CFDP1: variants seen among roughly 807,000 people sequenced by gnomAD.
CFDP1 encodes the protein chromatin remodeling protein CFDP1.
In CFDP1, 31 loss-of-function variants were observed where a neutral mutation model predicts 40.1. The observed-to-expected ratio is 0.77, with a 90% CI of 0.58 to 1.04. CFDP1 has a LOEUF of 1.04. Among genes scored for constraint, CFDP1 ranks in the 50% least tolerant of loss-of-function variants. The pLI is 0.00. For missense variants in CFDP1, 423 were observed against 343.4 expected (o/e 1.23, Z -1.83); for synonymous variants, 167 against 120.0 (o/e 1.39, Z -2.56).
chr16:75,342,905 CAAAG>C (rs2078536484), intron 5 of CFDP1, among the ~76,000 whole-genome samples: 1 of 152,106 alleles, frequency 6.6e-6, no homozygotes, highest in Non-Finnish European at 1.5e-5. Flanking sequence ...ATGCACAGGA[CAAAG>C]AACTATCCAG....
At chr16:75,316,038 T>G (rs987681232) in intron 5 of CFDP1, among the ~76,000 whole-genome samples, 1 of 152,212 alleles carries the variant, frequency 6.6e-6, no homozygotes, top group Non-Finnish European at 1.5e-5. Flanking sequence ...CCAGTCTGGT[T>G]GACCTATAGA....
At chr16:75,424,558 A>T (rs1278168415) in intron 1 of CFDP1, among the ~76,000 whole-genome samples, 1 of 152,120 alleles carries the variant, frequency 6.6e-6, no homozygotes, top group East Asian at 1.9e-4. Flanking sequence ...GATCAAGACC[A>T]TTCTGGCTAA....
chr16:75,306,380 T>G (rs1038457687), intron 5 of CFDP1: 1 of 152,282 alleles, frequency 6.6e-6, no homozygotes, highest in African/African-American at 2.4e-5. Flanking sequence ...CGTGAACGAC[T>G]ACTCACCCCC....
chr16:75,340,728 TTC>T (rs2078521162), intron 5 of CFDP1, among the ~76,000 whole-genome samples: 1 of 152,202 alleles, frequency 6.6e-6, no homozygotes, highest in Admixed American at 6.5e-5. Context: ...ACAGATTCTT[TTC>T]TGTCTTCTGT....
intron 5 of CFDP1, among the ~76,000 whole-genome samples, chr16:75,349,671 A>AT (rs2078595380): frequency 4.9e-5 from 3 of 60,756 alleles, no homozygotes; most frequent in Non-Finnish European, 6.4e-5. Context: ...AAAAAAAAAA[A>AT]AAAAAAAAAA....
intron 5 of CFDP1, among the ~76,000 whole-genome samples, chr16:75,366,187 TA>T (rs947678297): frequency 5.9e-5 from 9 of 152,320 alleles, no homozygotes; most frequent in African/African-American, 2.2e-4. Flanking sequence ...TAAAGTACAA[TA>T]TTTTTTAGCA....
At chr16:75,330,267 T>C (rs2078436145) in intron 5 of CFDP1, among the ~76,000 whole-genome samples, 1 of 152,164 alleles carries the variant, frequency 6.6e-6, no homozygotes, top group Non-Finnish European at 1.5e-5. Flanking sequence ...GACCTAGTCA[T>C]TAAGACAGCC....
chr16:75,315,025 T>C (rs1421437028), intron 5 of CFDP1, among the ~76,000 whole-genome samples: 1 of 152,192 alleles, frequency 6.6e-6, no homozygotes, highest in East Asian at 1.9e-4. Context: ...GTGCAGAGAT[T>C]ACAGGTGTGA....
chr16:75,301,216 G>T (rs10871307), intron 6 of CFDP1, among the ~76,000 whole-genome samples: 129,386 of 152,154 alleles, frequency 0.85, 55,163 homozygotes, highest in Middle Eastern at 0.91. Flanking sequence ...ATTAAAATGT[G>T]TCTACTTTAT....
intron 5 of CFDP1, among the ~76,000 whole-genome samples, chr16:75,388,345 T>C (rs964800644): frequency 6.6e-6 from 1 of 152,228 alleles, no homozygotes; most frequent in Admixed American, 6.5e-5. Flanking sequence ...ATTTAACCTG[T>C]AGTCTGAGAA....
intron 6 of CFDP1, among the ~76,000 whole-genome samples, chr16:75,300,534 G>A (rs2078215016): frequency 6.6e-6 from 1 of 152,150 alleles, no homozygotes; most frequent in African/African-American, 2.4e-5. Context: ...TTATCTGCCT[G>A]CCTCGGCCTC....
intron 5 of CFDP1, among the ~76,000 whole-genome samples, chr16:75,310,812 G>A (rs1413088101): frequency 6.6e-6 from 1 of 152,190 alleles, no homozygotes; most frequent in East Asian, 1.9e-4. Context: ...TGTTTGTGAA[G>A]GATGGTAGAA....
intron 5 of CFDP1, among the ~76,000 whole-genome samples, chr16:75,322,987 A>G (rs1024117831): frequency 6.6e-6 from 1 of 152,184 alleles, no homozygotes; most frequent in African/African-American, 2.4e-5. Context: ...TGGATTTTAT[A>G]ACCACTGTAC....
chr16:75,390,938 T>C (rs1267011205), intron 5 of CFDP1, among the ~76,000 whole-genome samples: 1 of 152,332 alleles, frequency 6.6e-6, no homozygotes, highest in East Asian at 1.9e-4. Flanking sequence ...TGTGAGAAAG[T>C]ATCATATTTG....
intron 4 of CFDP1, among the ~76,000 whole-genome samples, chr16:75,401,167 G>A (rs1398641004): frequency 5.3e-5 from 8 of 151,456 alleles, no homozygotes; most frequent in African/African-American, 1.5e-4. Context: ...AGTGGCTCAC[G>A]CATGTAATCC....
At chr16:75,397,392 G>A (rs2079004711) in intron 4 of CFDP1, among the ~76,000 whole-genome samples, 1 of 151,494 alleles carries the variant, frequency 6.6e-6, no homozygotes, top group Non-Finnish European at 1.5e-5. Context: ...GTGCATGCCT[G>A]TAACTCCAGC....
intron 5 of CFDP1, among the ~76,000 whole-genome samples, chr16:75,386,077 G>A (rs1044512213): frequency 6.6e-6 from 1 of 152,062 alleles, no homozygotes; most frequent in African/African-American, 2.4e-5. Context: ...CATGGCACAT[G>A]GATTCCTATG....
intron 5 of CFDP1, among the ~76,000 whole-genome samples, chr16:75,335,554 ATTTTTTTT>A: frequency 8.2e-6 from 1 of 121,358 alleles, no homozygotes; most frequent in East Asian, 2.3e-4. Context: ...ACAAATCTCC[ATTTTTTTT>A]TTTTTTTTTT....
chr16:75,406,500 A>C (rs530903159), intron 4 of CFDP1: 1 of 151,282 alleles, frequency 6.6e-6, no homozygotes, highest in Non-Finnish European at 1.5e-5. Context: ...CACAAGTTCA[A>C]TATCAGCCCA....
Sources: allele counts gnomAD v4.1 joint callset (sites outside exome capture counted in the v4.1 genomes callset), GRCh38; gene constraint gnomAD v4.1.1; transcripts MANE v1.5; gene names NCBI Gene and HGNC (gene_info 2026-07-23, HGNC 2026-07-21).